Variants in MCTP1 observed in about 807,000 individuals in gnomAD.
MCTP1 encodes multiple C2 and transmembrane domain-containing protein 1.
Under a neutral mutation model 120.6 loss-of-function variants are expected in MCTP1, and 69 were observed. The observed-to-expected ratio is 0.57, with a 90% CI of 0.47 to 0.70. The LOEUF (loss-of-function observed/expected upper bound fraction) is 0.70, where lower values mean the gene tolerates loss of function less well. Ranked by LOEUF, MCTP1 falls within the 30% of genes least tolerant of loss-of-function variation. MCTP1 has a pLI of 0.00. For synonymous variants in MCTP1, 529 were observed against 493.1 expected (o/e 1.07, Z -0.96); for missense variants, 1,203 against 1,248.8 (o/e 0.96, Z 0.55).
chr5:94,976,670 C>CA (rs1828184723), intron 2 of MCTP1: 1 of 152,008 alleles, frequency 6.6e-6, no homozygotes, highest in Non-Finnish European at 1.5e-5. Context: ...TAAAAACATT[C>CA]TTATTTTTTC....
At chr5:94,982,628 C>G (rs145950665) in intron 2 of MCTP1, among the ~76,000 whole-genome samples, 3 of 151,980 alleles carry the variant, frequency 2.0e-5, no homozygotes, top group Non-Finnish European at 4.4e-5. Flanking sequence ...TGGTCACGCA[C>G]CTGTAATCCC....
At chr5:95,135,356 TC>T (rs1278185356) in intron 1 of MCTP1, among the ~76,000 whole-genome samples, 1 of 152,202 alleles carries the variant, frequency 6.6e-6, no homozygotes, top group Non-Finnish European at 1.5e-5. Flanking sequence ...ATAACCTGAA[TC>T]CAAAAAGTCC....
At chr5:94,892,427 T>C (rs1323923110) in intron 11 of MCTP1, among the ~76,000 whole-genome samples, 2 of 152,156 alleles carry the variant, frequency 1.3e-5, no homozygotes, top group Admixed American at 6.5e-5. Context: ...AGCATACCCG[T>C]TCTGAAAAGG....
rs146919434 is a variant in MCTP1 at position 94,881,832 on chromosome 5, C to T, written c.1933+7047G>A. ...ATTATTGTCATTCCAGCACTATTCT[C>T]AATTGACGTGATTTTAAAACGCCAG... is the stretch of plus-strand genomic sequence containing the variant. On this transcript the variant is annotated intron_variant, in intron 12 of 22. Transcript: ENST00000515393. 3.2e-4 allele frequency among the ~76,000 whole-genome samples: 48 copies of T among 152,254 alleles called. No individual in the cohort carries two copies. In the East Asian group the frequency reaches 9.2e-3, roughly 29 times the overall value.
Position 95,095,006 on chromosome 5 carries a change from A to ATTTTTTTTTTTTTT in MCTP1, c.721-77536_721-77523dup, listed in dbSNP as rs756132693. Among the ~76,000 whole-genome samples, 8 of 36,964 alleles carry ATTTTTTTTTTTTTT rather than the reference A, an allele frequency of 2.2e-4. 4 individuals are homozygous for ATTTTTTTTTTTTTT. The highest frequency in any genetic ancestry group is 9.9e-4 in the African/African-American group (8 of 8,046). 24.2% of individuals were successfully genotyped at this position (36,964 alleles called of 152,430 possible). A position where few individuals can be genotyped will look rare whatever the true frequency, so the allele number is the denominator to read the frequency against. On this transcript the variant is annotated intron_variant, in intron 1 of 22. Coordinates refer to ENST00000515393, the MANE Select transcript of MCTP1 (RefSeq NM_024717.7). ...TTTTTTCTTTTATTTGTTATGTTAG[A>ATTTTTTTTTTTTTT]TTTTTTTTTTTTTTTTTTTTTTTTT... is the stretch of plus-strand genomic sequence containing the variant.
intron 1 of MCTP1, among the ~76,000 whole-genome samples, chr5:95,098,806 A>G (rs1227418744): frequency 6.6e-6 from 1 of 151,960 alleles, no homozygotes; most frequent in East Asian, 1.9e-4. Context: ...AAGAGCCCAC[A>G]TTGCCAAGTC....
chr5:95,008,505 T>G (rs1190579529), intron 2 of MCTP1, among the ~76,000 whole-genome samples: 1 of 152,184 alleles, frequency 6.6e-6, no homozygotes, highest in Non-Finnish European at 1.5e-5. Flanking sequence ...ACTGGCTTTG[T>G]CAGTCATTTT....
At chr5:95,061,645 C>T (rs1470919774) in intron 1 of MCTP1, among the ~76,000 whole-genome samples, 2 of 151,316 alleles carry the variant, frequency 1.3e-5, no homozygotes, top group Admixed American at 6.6e-5. Context: ...CCGTGTTAGC[C>T]GGGATGGTCT....
intron 1 of MCTP1, among the ~76,000 whole-genome samples, chr5:95,173,613 G>T (rs185818175): frequency 3.3e-5 from 5 of 152,068 alleles, no homozygotes; most frequent in African/African-American, 1.2e-4. Context: ...TTACCTCCTG[G>T]CCACATAATT....
chr5:95,039,226 CA>C (rs1419725544), intron 1 of MCTP1, among the ~76,000 whole-genome samples: 1 of 151,922 alleles, frequency 6.6e-6, no homozygotes, highest in Non-Finnish European at 1.5e-5. Flanking sequence ...TTTGATTGTT[CA>C]AAAAACAGAT....
intron 19 of MCTP1, among the ~76,000 whole-genome samples, chr5:94,718,282 CAG>C (rs1348228140): frequency 6.6e-6 from 1 of 152,094 alleles, no homozygotes; most frequent in Non-Finnish European, 1.5e-5. Flanking sequence ...TATATAAAAA[CAG>C]TGCTGGGAAA....
At chr5:95,245,195 T>C (rs554286573) in intron 1 of MCTP1, among the ~76,000 whole-genome samples, 18 of 152,086 alleles carry the variant, frequency 1.2e-4, no homozygotes, top group African/African-American at 4.1e-4. Flanking sequence ...AGACCAAAGG[T>C]AGATAAAACC....
chr5:94,998,934 G>A (rs1833126401), intron 2 of MCTP1, among the ~76,000 whole-genome samples: 1 of 152,138 alleles, frequency 6.6e-6, no homozygotes, highest in African/African-American at 2.4e-5. Context: ...CTTCGGCAGA[G>A]GCAGAGCGTT....
chr5:95,173,867 A>T (rs1747649701), intron 1 of MCTP1, among the ~76,000 whole-genome samples: 1 of 70,178 alleles, frequency 1.4e-5, no homozygotes, highest in African/African-American at 6.1e-5. Flanking sequence ...TCTCAGAGAG[A>T]GATAAGAAAC....
chr5:94,993,948 G>T (rs1832100757), intron 2 of MCTP1, among the ~76,000 whole-genome samples: 1 of 152,124 alleles, frequency 6.6e-6, no homozygotes, highest in Non-Finnish European at 1.5e-5. Flanking sequence ...ACAATTCTGG[G>T]AAGACCCATT....
At chr5:95,004,038 G>A (rs190359771) in intron 2 of MCTP1, among the ~76,000 whole-genome samples, 3 of 152,344 alleles carry the variant, frequency 2.0e-5, no homozygotes, top group East Asian at 1.9e-4. Context: ...AGTCCAGGCT[G>A]AGGAGGTCTC....
intron 2 of MCTP1, among the ~76,000 whole-genome samples, chr5:94,997,328 A>G (rs1010378681): frequency 3.3e-5 from 5 of 152,238 alleles, no homozygotes; most frequent in Non-Finnish European, 7.4e-5. Context: ...AAGAAATGCA[A>G]TTTTTCTTAA....
intron 17 of MCTP1, among the ~76,000 whole-genome samples, chr5:94,827,184 CA>C (rs1278832975): frequency 1.3e-5 from 2 of 152,280 alleles, no homozygotes; most frequent in East Asian, 3.9e-4. Context: ...AATCCCTCAG[CA>C]TTTGCTTGTC....
intron 19 of MCTP1, among the ~76,000 whole-genome samples, chr5:94,743,706 C>T (rs1766165262): frequency 6.9e-6 from 1 of 144,206 alleles, no homozygotes; most frequent in Non-Finnish European, 1.5e-5. Context: ...GGCGCGATCT[C>T]GGCTCACTGC....
Sources: gnomAD v4.1 joint callset for allele counts (sites outside exome capture counted in the v4.1 genomes callset) on GRCh38, gnomAD v4.1.1 for gene constraint, MANE v1.5 for transcripts, NCBI Gene and HGNC (gene_info 2026-07-23, HGNC 2026-07-21) for gene names.